Variants in ROBO2 observed in about 807,000 individuals in gnomAD.
ROBO2 encodes the protein roundabout homolog 2.
In ROBO2, 53 loss-of-function variants were observed where a neutral mutation model predicts 160.8. The ratio of observed to expected loss-of-function variants is 0.33; its 90% CI spans 0.26 to 0.41. The LOEUF (loss-of-function observed/expected upper bound fraction) is 0.41. Ranked by LOEUF, ROBO2 falls within the 10% of genes least tolerant of loss-of-function variation. The probability of loss-of-function intolerance (pLI) is 1.00; values close to 1 mark genes in which losing one functional copy is unlikely to be tolerated. For missense variants in ROBO2, 1,577 were observed against 1,722.4 expected (o/e 0.92, Z 1.49); for synonymous variants, 664 against 611.7 (o/e 1.09, Z -1.26).
At chr3:77,277,162 T>TTCCTTCTTTCCTTCTG (rs2059900743) in intron 2 of ROBO2, among the ~76,000 whole-genome samples, 4 of 65,716 alleles carry the variant, frequency 6.1e-5, no homozygotes, top group African/African-American at 2.5e-4. Context: ...CTTTCCTTCT[T>TTCCTTCTTTCCTTCTG]TCTTTCTTTC....
intron 2 of ROBO2, among the ~76,000 whole-genome samples, chr3:77,031,819 A>T (rs2149557663): frequency 6.6e-6 from 1 of 151,706 alleles, no homozygotes; most frequent in South Asian, 2.1e-4. Context: ...CTCCTGTCTT[A>T]GTCCATTCAG....
intron 2 of ROBO2, among the ~76,000 whole-genome samples, chr3:77,327,817 A>G (rs1426688830): frequency 6.6e-6 from 1 of 152,062 alleles, no homozygotes; most frequent in Non-Finnish European, 1.5e-5. Context: ...TGGGAGGCCG[A>G]GGTGGGTCGA....
At chr3:76,663,746 G>A (rs2091915334) in intron 2 of ROBO2, among the ~76,000 whole-genome samples, 1 of 152,092 alleles carries the variant, frequency 6.6e-6, no homozygotes, top group African/African-American at 2.4e-5. Flanking sequence ...GTAAAGCAAA[G>A]ACATTGCAGT....
intron 2 of ROBO2, among the ~76,000 whole-genome samples, chr3:75,976,954 C>T (rs554427661): frequency 1.3e-5 from 2 of 151,646 alleles, no homozygotes; most frequent in Admixed American, 1.3e-4. Context: ...AGTTATGTTA[C>T]CTATCAAGGA....
chr3:76,126,020 T>C (rs894134869), intron 2 of ROBO2, among the ~76,000 whole-genome samples: 1 of 151,848 alleles, frequency 6.6e-6, no homozygotes, highest in Admixed American at 6.6e-5. Flanking sequence ...AGAGACGAGG[T>C]TTCACCATGT....
At chr3:77,111,137 G>T (rs2073523190) in intron 2 of ROBO2, among the ~76,000 whole-genome samples, 1 of 151,950 alleles carries the variant, frequency 6.6e-6, no homozygotes, top group African/African-American at 2.4e-5. Flanking sequence ...TAAAGATCTT[G>T]TTTATGGAAA....
chr3:76,919,469 T>A (rs1044040260), intron 2 of ROBO2, among the ~76,000 whole-genome samples: 18 of 152,176 alleles, frequency 1.2e-4, no homozygotes, highest in Admixed American at 5.2e-4. Context: ...CAATTTCATG[T>A]TAGTCTAAAT....
At chr3:77,084,288 A>G (rs1413169753) in intron 1 of ROBO2, among the ~76,000 whole-genome samples, 1 of 152,092 alleles carries the variant, frequency 6.6e-6, no homozygotes, top group Non-Finnish European at 1.5e-5. Flanking sequence ...TTAGGCAAAC[A>G]TCATTAAACT....
intron 20 of ROBO2, chr3:77,603,105 G>A (rs923052198): frequency 4.4e-6 from 2 of 456,380 alleles, no homozygotes; most frequent in South Asian, 1.5e-5. Flanking sequence ...TGTCACCAGC[G>A]TATGACCTGT....
intron 2 of ROBO2, among the ~76,000 whole-genome samples, chr3:77,372,057 A>G (rs1210203002): frequency 6.6e-6 from 1 of 152,102 alleles, no homozygotes. Context: ...AGAGTTCTGT[A>G]TTGTCCTGTG....
At chr3:76,922,329 T>G (rs1184112559) in intron 2 of ROBO2, among the ~76,000 whole-genome samples, 2 of 152,144 alleles carry the variant, frequency 1.3e-5, no homozygotes, top group South Asian at 2.1e-4. Context: ...GAATGCCTAA[T>G]GTACAAGTTA....
At chr3:76,274,455 T>C (rs145763750) in intron 2 of ROBO2, among the ~76,000 whole-genome samples, 2 of 152,272 alleles carry the variant, frequency 1.3e-5, no homozygotes, top group East Asian at 3.9e-4. Context: ...GCTGTGTAGT[T>C]TATAAACTAT....
intron 2 of ROBO2, among the ~76,000 whole-genome samples, chr3:76,657,788 A>G (rs988003405): frequency 6.8e-6 from 1 of 147,758 alleles, no homozygotes. Context: ...GTGTATATAT[A>G]TGTTCATATA....
At chr3:76,430,071 G>A (rs1267327677) in intron 2 of ROBO2, among the ~76,000 whole-genome samples, 2 of 152,040 alleles carry the variant, frequency 1.3e-5, no homozygotes, top group Non-Finnish European at 2.9e-5. Flanking sequence ...GAGGCAAAGG[G>A]GATATGTCTC....
chr3:75,994,686 C>T (rs2065674367), intron 2 of ROBO2, among the ~76,000 whole-genome samples: 1 of 152,158 alleles, frequency 6.6e-6, no homozygotes, highest in African/African-American at 2.4e-5. Context: ...AGTAAATTGG[C>T]ACCAGGAGTC....
chr3:76,329,770 G>C (rs760103126), intron 2 of ROBO2, among the ~76,000 whole-genome samples: 14 of 152,166 alleles, frequency 9.2e-5, no homozygotes, highest in Non-Finnish European at 2.1e-4. Flanking sequence ...ATTTCTTCAA[G>C]TTAAACATGT....
intron 2 of ROBO2, among the ~76,000 whole-genome samples, chr3:77,181,942 T>A (rs2080830459): frequency 6.6e-6 from 1 of 152,062 alleles, no homozygotes; most frequent in African/African-American, 2.4e-5. Flanking sequence ...TTGATTGTAG[T>A]TAGGATAACC....
intron 2 of ROBO2, among the ~76,000 whole-genome samples, chr3:77,212,106 G>A (rs536610010): frequency 1.3e-5 from 2 of 152,244 alleles, no homozygotes; most frequent in African/African-American, 4.8e-5. Flanking sequence ...TTCCAATTCT[G>A]TGAAGAAAGT....
At chr3:76,730,207 C>T (rs1179551863) in intron 2 of ROBO2, among the ~76,000 whole-genome samples, 17 of 89,168 alleles carry the variant, frequency 1.9e-4, no homozygotes, top group African/African-American at 6.0e-4. Flanking sequence ...CGCTTGTCCT[C>T]ACCTCCTACT....
Sources: gnomAD v4.1 joint callset for allele counts (sites outside exome capture counted in the v4.1 genomes callset) on GRCh38, gnomAD v4.1.1 for gene constraint, MANE v1.5 for transcripts, NCBI Gene and HGNC (gene_info 2026-07-23, HGNC 2026-07-21) for gene names.